The following KIAA1549 variants were observed in gnomAD, a reference collection of about 807,000 sequenced individuals.
KIAA1549 encodes the protein UPF0606 protein KIAA1549.
KIAA1549 carries 70 observed loss-of-function variants against 156.4 expected under a neutral mutation model. The ratio of observed to expected loss-of-function variants is 0.45; its 90% CI spans 0.37 to 0.55. The LOEUF (loss-of-function observed/expected upper bound fraction) is 0.55. KIAA1549 is among the 20% of genes least tolerant of loss of function. KIAA1549 has a pLI of 0.00. For missense variants in KIAA1549, 2,428 were observed against 2,540.9 expected, an observed-to-expected ratio of 0.96 and a Z score of 0.96; for synonymous variants, 1,103 against 1,066.4, an observed-to-expected ratio of 1.03 and a Z score of -0.67.
intron 1 of KIAA1549, among the ~76,000 whole-genome samples, chr7:138,946,459 T>G (rs572556554): frequency 2.0e-5 from 3 of 152,160 alleles, no homozygotes; most frequent in African/African-American, 7.2e-5. Context: ...TCTCACAAAC[T>G]AAAGATATTC....
In KIAA1549 at chr7:138,962,970, T is replaced by G. The variant is rs1167829780; in HGVS notation, c.187+18113A>C. Among the ~76,000 whole-genome samples, 3 of 152,238 alleles carry G rather than the reference T, an allele frequency of 2.0e-5. No homozygotes were observed. In the East Asian group the frequency reaches 5.8e-4, roughly 29 times the overall value. ...CCACCGCAGTCCTCTACAATAGCAC[T>G]TCACATGCCACTGGATAGTCACTTA... On this transcript the variant is annotated intron_variant, in intron 1 of 19. Transcript: ENST00000422774.
chr7:138,934,550 A>G (rs1318942855), intron 1 of KIAA1549, among the ~76,000 whole-genome samples: 2 of 152,072 alleles, frequency 1.3e-5, no homozygotes, highest in Non-Finnish European at 2.9e-5. Flanking sequence ...CTCAAATAAG[A>G]GACACCATAG....
chr7:138,873,216 G>A (rs971981162), intron 12 of KIAA1549, among the ~76,000 whole-genome samples: 2 of 152,176 alleles, frequency 1.3e-5, no homozygotes, highest in African/African-American at 2.4e-5. Context: ...ATTATCCCAA[G>A]CAATCAGAAG....
chr7:138,950,477 T>C (rs1813462889), intron 1 of KIAA1549, among the ~76,000 whole-genome samples: 1 of 152,166 alleles, frequency 6.6e-6, no homozygotes, highest in South Asian at 2.1e-4. Context: ...GATGAATTCC[T>C]GAAGAGCTGT....
At chr7:138,957,968 T>C (rs1054156226) in intron 1 of KIAA1549, among the ~76,000 whole-genome samples, 40 of 152,246 alleles carry the variant, frequency 2.6e-4, no homozygotes, top group African/African-American at 9.6e-4. Context: ...CATGCATGCA[T>C]TTCCTTGTAT....
At chr7:138,853,700 C>T (rs1452636183) in intron 16 of KIAA1549, among the ~76,000 whole-genome samples, 3 of 152,084 alleles carry the variant, frequency 2.0e-5, no homozygotes, top group African/African-American at 7.2e-5. Flanking sequence ...TGGAGTTCCC[C>T]AACTGAGGCA....
chr7:138,868,505 G>A (rs1041757356), intron 14 of KIAA1549, among the ~76,000 whole-genome samples: 1 of 152,128 alleles, frequency 6.6e-6, no homozygotes, highest in African/African-American at 2.4e-5. Flanking sequence ...TCGGCTCACT[G>A]CAACCTCCAC....
In KIAA1549 at chr7:138,961,259, T is replaced by C. The variant is rs114468027; in HGVS notation, c.187+19824A>G. Reference sequence around the variant, plus strand: ...GCACCCAATTAAAGGTCAAAGTACATAGGAGGGCTCCATGCCAGGAGATCT... The same window carrying C: ...GCACCCAATTAAAGGTCAAAGTACACAGGAGGGCTCCATGCCAGGAGATCT... On this transcript the variant is annotated intron_variant, in intron 1 of 19. Transcript: ENST00000422774. 3.8e-3 allele frequency among the ~76,000 whole-genome samples: 586 copies of C among 152,284 alleles called. 5 individuals carry two copies. The highest frequency in any genetic ancestry group is 0.014 in the African/African-American group (565 of 41,562).
At chr7:138,891,904 A>G (rs1379247199) in intron 10 of KIAA1549, among the ~76,000 whole-genome samples, 1 of 152,224 alleles carries the variant, frequency 6.6e-6, no homozygotes, top group African/African-American at 2.4e-5. Flanking sequence ...TGAACTAAAG[A>G]CATTTGTTTT....
At chr7:138,942,950 G>A (rs12707403) in intron 1 of KIAA1549, among the ~76,000 whole-genome samples, 40,052 of 150,940 alleles carry the variant, frequency 0.27, 6,613 homozygotes, top group African/African-American at 0.47. Flanking sequence ...CCAGAAGCAA[G>A]AAAATTCAAG....
rs765004157 is a variant in KIAA1549 at position 138,899,032 on chromosome 7, G to A, written c.3770C>T (p.Ser1257Leu). ...DGERLSAVKS[S>L]DLINKMDLQR... ...GAGGTCCATTTTGTTAATCAGGTCC[G>A]AAGACTTGACTGCACTGAGTCTTTC... Residue 1257 changes from serine (S) to leucine (L), a missense_variant, in exon 9 of 20, where the codon TCG becomes TTG. By Grantham distance (145) the Ser-to-Leu change is moderately radical (BLOSUM62 -2). This residue lies in a region of KIAA1549 where 762 missense variants were observed against 901.6 expected (regional missense o/e 0.85). Coordinates refer to ENST00000422774, the MANE Select transcript of KIAA1549 (RefSeq NM_001164665.2). The A allele has an allele frequency of 5.6e-6, 9 of 1,613,592 alleles. No individual in the cohort carries two copies. The highest frequency in any genetic ancestry group is 2.2e-5 in the East Asian group (1 of 44,884).
intron 16 of KIAA1549, among the ~76,000 whole-genome samples, chr7:138,859,334 G>A (rs915433973): frequency 1.3e-5 from 2 of 152,034 alleles, no homozygotes; most frequent in Non-Finnish European, 2.9e-5. Flanking sequence ...ATGTTGGGGG[G>A]TTATGGCTTC....
Position 138,907,216 on chromosome 7 carries a change from T to C in KIAA1549, c.3277-114A>G, listed in dbSNP as rs568676220. 1.8e-5 allele frequency: 15 copies of C among 840,152 alleles called. No individual in the cohort carries two copies. In the East Asian group the frequency reaches 4.0e-4, roughly 23 times the overall value. The allele number at this position is 840,152 out of a possible 1,614,324, so 52.0% of individuals were successfully genotyped here. A position where few individuals can be genotyped will look rare whatever the true frequency, so the allele number is the denominator to read the frequency against. On this transcript the variant is annotated intron_variant, in intron 5 of 19. Transcript: ENST00000422774. ...GATTTTTTTAAAGGAGGTAAAGTTTTTAAAGGAAACGTAACTGGCTTTCTA... is the reference window on the plus strand; with the variant it reads ...GATTTTTTTAAAGGAGGTAAAGTTTCTAAAGGAAACGTAACTGGCTTTCTA...
At chr7:138,955,970 T>C (rs1162685238) in intron 1 of KIAA1549, among the ~76,000 whole-genome samples, 1 of 152,164 alleles carries the variant, frequency 6.6e-6, no homozygotes, top group Admixed American at 6.5e-5. Flanking sequence ...CTTGGCTCAC[T>C]GCAACCTCCA....
intron 10 of KIAA1549, among the ~76,000 whole-genome samples, chr7:138,893,979 A>G (rs894769157): frequency 3.3e-5 from 5 of 152,244 alleles, no homozygotes; most frequent in Admixed American, 6.5e-5. Flanking sequence ...CCGAGGCAGG[A>G]GAATCGCTTG....
chr7:138,916,926 C>G lies in KIAA1549; in HGVS notation c.2700G>C (p.Leu900=). 6.2e-7 allele frequency: 1 copy of G among 1,612,102 alleles called. No homozygotes were observed. The highest frequency in any genetic ancestry group is 1.1e-5 in the South Asian group (1 of 90,698). ...AATGGPLDST[L]MGDAASQSPP... Reference sequence around the variant, plus strand: ...GGCTCTGACTTGCGGCGTCACCCATCAGGGTGGAGTCGAGGGGACCACCAG... The same window carrying G: ...GGCTCTGACTTGCGGCGTCACCCATGAGGGTGGAGTCGAGGGGACCACCAG... Residue 900 remains leucine (L), a synonymous_variant, in exon 2 of 20, where the codon CTG becomes CTC. Transcript: ENST00000422774.
rs1013715500 is a variant in KIAA1549 at position 138,834,235 on chromosome 7, C to A, written c.*3671G>T. 1 of 189,954 alleles carries A rather than the reference C, an allele frequency of 5.3e-6. No individual in the cohort carries two copies. The highest frequency in any genetic ancestry group is 6.1e-5 in the Admixed American group (1 of 16,268). 11.8% of individuals were successfully genotyped at this position (189,954 alleles called of 1,614,324 possible). A position where few individuals can be genotyped will look rare whatever the true frequency, so the allele number is the denominator to read the frequency against. On this transcript the variant is annotated 3_prime_UTR_variant, in exon 20 of 20. Transcript: ENST00000422774. ...AGTACAGTGGTGCAATCTCAGCTCACTGCAACCTCCACCCCCCGGGTTCAA... is the reference window on the plus strand; with the variant it reads ...AGTACAGTGGTGCAATCTCAGCTCAATGCAACCTCCACCCCCCGGGTTCAA...
At chr7:138,845,311 T>C (rs1172552318) in intron 17 of KIAA1549, among the ~76,000 whole-genome samples, 5 of 152,220 alleles carry the variant, frequency 3.3e-5, no homozygotes, top group Non-Finnish European at 5.9e-5. Context: ...AGAAGGATTC[T>C]CATAGAGTTT....
intron 4 of KIAA1549, among the ~76,000 whole-genome samples, chr7:138,910,872 T>TA (rs995370565): frequency 1.0e-4 from 15 of 148,412 alleles, no homozygotes; most frequent in African/African-American, 2.7e-4. Context: ...AAAAAAAAAT[T>TA]AAAAAAAAAA....
Sources: allele counts gnomAD v4.1 joint callset (sites outside exome capture counted in the v4.1 genomes callset), GRCh38; gene constraint gnomAD v4.1.1; regional missense constraint gnomAD v4.1.1; transcripts MANE v1.5; gene names NCBI Gene and HGNC (gene_info 2026-07-23, HGNC 2026-07-21).